KIF22: variants seen among roughly 807,000 people sequenced by gnomAD.
KIF22 encodes kinesin-like protein KIF22.
In KIF22, 62 loss-of-function variants were observed where a neutral mutation model predicts 73.0. That is an observed-to-expected ratio of 0.85 (90% CI 0.69 to 1.05). KIF22 has a LOEUF of 1.05. KIF22 is among the 50% of genes least tolerant of loss of function. The probability of loss-of-function intolerance (pLI) is 0.00; values close to 1 mark genes in which losing one functional copy is unlikely to be tolerated. For missense variants in KIF22, 854 were observed against 870.1 expected, an observed-to-expected ratio of 0.98 and a Z score of 0.23; for synonymous variants, 411 against 340.1, an observed-to-expected ratio of 1.21 and a Z score of -2.29.
intron 11 of KIF22, chr16:29,804,483 A>C: frequency 1.6e-6 from 1 of 642,898 alleles, no homozygotes; most frequent in Non-Finnish European, 2.9e-6. Context: ...TACTTTTTGA[A>C]AGACAGCTTA....
intron 1 of KIF22, among the ~76,000 whole-genome samples, chr16:29,791,789 G>GA (rs1898825044): frequency 6.6e-6 from 1 of 152,218 alleles, no homozygotes; most frequent in African/African-American, 2.4e-5. Context: ...AGGAGTCTGA[G>GA]TGTAGAACCT....
At chr16:29,801,850 A>C (rs980018460) in intron 8 of KIF22, among the ~76,000 whole-genome samples, 2 of 152,198 alleles carry the variant, frequency 1.3e-5, no homozygotes, top group African/African-American at 2.4e-5. Context: ...TTCACAGCAT[A>C]GGAAGGGAGA....
Position 29,798,929 on chromosome 16 carries a change from C to T in KIF22, c.550-46C>T, listed in dbSNP as rs1367516547. The T allele has an allele frequency of 6.3e-7, 1 of 1,586,408 alleles. No individual in the cohort carries two copies. The highest frequency in any genetic ancestry group is 1.1e-5 in the South Asian group (1 of 90,504). Reference sequence around the variant, plus strand: ...AAGGAAACTGATCCCCAGGAAGAAACAGCCTCTCTATGGAGAATTGCCCTT... The same window carrying T: ...AAGGAAACTGATCCCCAGGAAGAAATAGCCTCTCTATGGAGAATTGCCCTT... On this transcript the variant is annotated intron_variant, in intron 4 of 13. Coordinates refer to ENST00000160827, the MANE Select transcript of KIF22 (RefSeq NM_007317.3). This position sits in a 1 kb window ranked among gnomAD's most constrained non-coding sequence, Gnocchi z 4.1.
chr16:29,792,197 C>T (rs186167897), intron 1 of KIF22, among the ~76,000 whole-genome samples: 1 of 151,842 alleles, frequency 6.6e-6, no homozygotes, highest in East Asian at 1.9e-4. Flanking sequence ...ATTTCCTCAT[C>T]AATAAAAGGG....
chr16:29,796,776 G>A (rs1019740808), intron 1 of KIF22, 117 bp from the exon 2 acceptor site: 5 of 920,076 alleles, frequency 5.4e-6, no homozygotes, highest in South Asian at 1.5e-5. Flanking sequence ...AACATGACCA[G>A]GGCAGAATGA....
Position 29,804,798 on chromosome 16 carries a change from T to G in KIF22, c.1678-16T>G, listed in dbSNP as rs1225591255. On this transcript the variant is annotated splice_polypyrimidine_tract_variant and intron_variant, in intron 11 of 13. Transcript: ENST00000160827. ...TTGGCTGCCCTGCGTGTCACTCATC[T>G]CCCTTTGCCTCCCAGCTGGAGTCCC... 1 of 1,584,604 alleles carries G rather than the reference T, an allele frequency of 6.3e-7. No homozygotes were observed. Among genetic ancestry groups the G allele is most frequent in the East Asian group, 2.3e-5 (1 of 43,892 alleles).
At chr16:29,802,721 G>T in intron 8 of KIF22, 48 bp from the exon 9 acceptor site, 1 of 1,501,410 alleles carries the variant, frequency 6.7e-7, no homozygotes, top group Middle Eastern at 2.1e-4. Flanking sequence ...TGCTGTAGGT[G>T]GTGATGAGGG....
chr16:29,795,095 A>G (rs1215208789), intron 1 of KIF22, among the ~76,000 whole-genome samples: 1 of 152,168 alleles, frequency 6.6e-6, no homozygotes, highest in African/African-American at 2.4e-5. Flanking sequence ...TGTTCTCCCA[A>G]AACATCCTGT....
intron 1 of KIF22, among the ~76,000 whole-genome samples, chr16:29,793,658 G>A (rs917206786): frequency 1.3e-5 from 2 of 152,004 alleles, no homozygotes; most frequent in African/African-American, 4.8e-5. Flanking sequence ...ACAACTTGAG[G>A]GTGAGGGTGG....
intron 6 of KIF22, 40 bp downstream of exon 6, chr16:29,799,534 G>A (rs1224462952): frequency 1.2e-6 from 2 of 1,612,884 alleles, no homozygotes; most frequent in Non-Finnish European, 1.7e-6. Context: ...GGCTGCAGAA[G>A]GAGGTTCTCA....
At position 29,802,855 on chromosome 16, in the gene KIF22, A is replaced by C; in HGVS notation, c.1367A>C (p.Gln456Pro). Residue 456 changes from glutamine (Q) to proline (P), a missense_variant, in exon 9 of 14, where the codon CAG becomes CCG. By Grantham distance (76) the Gln-to-Pro change is moderately conservative. Transcript: ENST00000160827. ...CGTCTGCTTGCCTCCCAGGGGAGCC[A>C]GGGGGCCCCTCTGTTGAGTACCCCA... ...LDRLLASQGSQGAPLLSTPKR... is the reference protein window; with the variant it reads ...LDRLLASQGSPGAPLLSTPKR... 1 of 1,611,510 alleles carries C rather than the reference A, an allele frequency of 6.2e-7. No individual in the cohort carries two copies. Among genetic ancestry groups the C allele is most frequent in the Non-Finnish European group, 8.5e-7 (1 of 1,179,076 alleles).
Position 29,798,146 on chromosome 16 carries a change from G to A in KIF22, c.267-228G>A, listed in dbSNP as rs1172741686. Among the ~76,000 whole-genome samples the A allele has an allele frequency of 6.6e-6, 1 of 152,160 alleles. No individual in the cohort carries two copies. The highest frequency in any genetic ancestry group is 1.9e-4 in the East Asian group (1 of 5,200). On this transcript the variant is annotated intron_variant, in intron 2 of 13. Coordinates refer to ENST00000160827, the MANE Select transcript of KIF22 (RefSeq NM_007317.3). The surrounding 1 kb of genome is among the most constrained non-coding windows in gnomAD (Gnocchi z 4.1). ...AAAAACTCCAAGAGCAGGGATATCA[G>A]ATCTATCTCTGTATTCCTAACACCA...
At chr16:29,804,500 C>A in intron 11 of KIF22, 1 of 652,738 alleles carries the variant, frequency 1.5e-6, no homozygotes, top group Non-Finnish European at 2.8e-6. Flanking sequence ...CTTATTCTTT[C>A]CCTTTTAGAG....
chr16:29,793,270 G>A (rs957658091), intron 1 of KIF22, among the ~76,000 whole-genome samples: 1 of 152,152 alleles, frequency 6.6e-6, no homozygotes, highest in African/African-American at 2.4e-5. Context: ...GTGAAACCCT[G>A]TCTCTAAAAT....
intron 9 of KIF22, 108 bp downstream of exon 9, chr16:29,803,045 T>A: frequency 8.9e-7 from 1 of 1,122,298 alleles, no homozygotes; most frequent in Non-Finnish European, 1.3e-6. Flanking sequence ...TCCAGTTTTC[T>A]CCCAATACCG....
At chr16:29,805,236 G>T (rs370659179) in intron 13 of KIF22, 27 bp from the exon 14 acceptor site, 2 of 1,613,852 alleles carry the variant, frequency 1.2e-6, no homozygotes, top group South Asian at 2.2e-5. Flanking sequence ...CTCTAACGTC[G>T]CTGTCTCCCT....
intron 6 of KIF22, 54 bp from the exon 7 acceptor site, chr16:29,799,574 G>A: frequency 3.7e-6 from 6 of 1,612,276 alleles, no homozygotes; most frequent in Non-Finnish European, 5.1e-6. Flanking sequence ...AATAGCAGTT[G>A]AGGCATAGGA....
chr16:29,805,189 C>G lies in KIF22; in HGVS notation c.1950+15C>G, dbSNP rs1188709423. On this transcript the variant is annotated intron_variant, in intron 13 of 13. Coordinates refer to ENST00000160827, the MANE Select transcript of KIF22 (RefSeq NM_007317.3). ...CCTTCCTGAAGGTGAAGTCACGGCC[C>G]TGCCCCTCCTCTGCCTGTCCTGCGC... is the stretch of plus-strand genomic sequence containing the variant. The G allele has an allele frequency of 1.2e-6, 2 of 1,614,168 alleles. No homozygotes were observed. The highest frequency in any genetic ancestry group is 1.1e-5 in the South Asian group (1 of 91,090).
chr16:29,794,804 G>A (rs1053007505), intron 1 of KIF22, among the ~76,000 whole-genome samples: 2 of 152,094 alleles, frequency 1.3e-5, no homozygotes, highest in Non-Finnish European at 2.9e-5. Flanking sequence ...TCGAACTCCT[G>A]ACCTCAGGTG....
Sources: gnomAD v4.1 joint callset for allele counts (sites outside exome capture counted in the v4.1 genomes callset) on GRCh38, gnomAD v4.1.1 for gene constraint, Gnocchi (gnomAD v3.1) non-coding constraint, MANE v1.5 for transcripts, NCBI Gene and HGNC (gene_info 2026-07-23, HGNC 2026-07-21) for gene names.